The following CSMD1 variants were observed in gnomAD, a reference collection of about 807,000 sequenced individuals.
CSMD1 encodes CUB and sushi domain-containing protein 1.
In CSMD1, 213 loss-of-function variants were observed where a neutral mutation model predicts 417.5. That is an observed-to-expected ratio of 0.51 (90% CI 0.46 to 0.57). The LOEUF (loss-of-function observed/expected upper bound fraction) is 0.57. Ranked by LOEUF, CSMD1 falls within the 20% of genes least tolerant of loss-of-function variation. The pLI is 0.00. For missense variants in CSMD1, 6,923 were observed against 4,529.7 expected, an observed-to-expected ratio of 1.53 and a Z score of -15.17; for synonymous variants, 2,862 against 1,736.8, an observed-to-expected ratio of 1.65 and a Z score of -16.11.
chr8:4,368,398 C>G (rs574415231), intron 3 of CSMD1, among the ~76,000 whole-genome samples: 2 of 152,010 alleles, frequency 1.3e-5, no homozygotes, highest in Admixed American at 6.6e-5. Flanking sequence ...CTGGTATTTT[C>G]TACGTTCATC....
chr8:4,429,418 T>C (rs1031753860), intron 2 of CSMD1, among the ~76,000 whole-genome samples: 5 of 152,150 alleles, frequency 3.3e-5, no homozygotes, highest in African/African-American at 9.7e-5. Context: ...AAAAGCATCC[T>C]CCTTTCACAC....
chr8:4,369,898 G>C (rs556976326), intron 3 of CSMD1, among the ~76,000 whole-genome samples: 10 of 152,006 alleles, frequency 6.6e-5, no homozygotes, highest in Non-Finnish European at 1.0e-4. Context: ...CTTTCCATTT[G>C]GGTAAAATGT....
At chr8:3,988,922 G>T (rs1814533348) in intron 5 of CSMD1, among the ~76,000 whole-genome samples, 1 of 152,160 alleles carries the variant, frequency 6.6e-6, no homozygotes, top group Non-Finnish European at 1.5e-5. Context: ...AAGTTGAGTG[G>T]AGAAGTTAAC....
intron 10 of CSMD1, among the ~76,000 whole-genome samples, chr8:3,538,119 A>G (rs1224397016): frequency 1.3e-5 from 2 of 152,244 alleles, no homozygotes; most frequent in Non-Finnish European, 2.9e-5. Context: ...TTTATAAACC[A>G]AACGATTGCA....
In CSMD1 at chr8:3,312,551, C is replaced by A. The variant is rs79482406; in HGVS notation, c.3632-4048G>T. Among the ~76,000 whole-genome samples, 15 of 152,218 alleles carry A rather than the reference C, an allele frequency of 9.9e-5. No homozygotes were observed. In the South Asian group the frequency reaches 3.1e-3, roughly 32 times the overall value. On this transcript the variant is annotated intron_variant, in intron 23 of 69. Transcript: ENST00000635120. ...AAGAGAGCTTTGTTCTCTCAAAGCT[C>A]CTCGCAGGATTTGATGGTTCACACA...
chr8:4,788,138 T>A, intron 1 of CSMD1: 2 of 1,602,308 alleles, frequency 1.2e-6, no homozygotes, highest in East Asian at 4.5e-5. Flanking sequence ...GCTCTACTTC[T>A]GATCTTGGTC....
At chr8:3,517,705 C>T (rs1314469802) in intron 10 of CSMD1, among the ~76,000 whole-genome samples, 4 of 152,110 alleles carry the variant, frequency 2.6e-5, no homozygotes, top group Admixed American at 2.6e-4. Context: ...CGAATTCAGT[C>T]ACATTTTTTG....
intron 25 of CSMD1, among the ~76,000 whole-genome samples, chr8:3,305,664 T>C (rs1804778354): frequency 6.6e-6 from 1 of 152,172 alleles, no homozygotes; most frequent in Non-Finnish European, 1.5e-5. Context: ...GAAACTAAAC[T>C]TCTTAACTTA....
At chr8:4,660,250 T>A (rs577567942) in intron 1 of CSMD1, among the ~76,000 whole-genome samples, 1 of 152,088 alleles carries the variant, frequency 6.6e-6, no homozygotes, top group Non-Finnish European at 1.5e-5. Flanking sequence ...CCATAACCAG[T>A]AAGTGATTTT....
chr8:4,902,017 G>A (rs928488415), intron 1 of CSMD1, among the ~76,000 whole-genome samples: 6 of 152,136 alleles, frequency 3.9e-5, no homozygotes, highest in African/African-American at 1.4e-4. Flanking sequence ...AGGAAATGCA[G>A]CTATGATGCA....
At chr8:3,941,554 G>T (rs1810884764) in intron 5 of CSMD1, among the ~76,000 whole-genome samples, 1 of 152,068 alleles carries the variant, frequency 6.6e-6, no homozygotes, top group African/African-American at 2.4e-5. Flanking sequence ...CGAGCAGTGG[G>T]TTTCCTTGGA....
At chr8:4,525,198 C>T (rs887202964) in intron 2 of CSMD1, among the ~76,000 whole-genome samples, 6 of 152,096 alleles carry the variant, frequency 3.9e-5, no homozygotes, top group Non-Finnish European at 5.9e-5. Flanking sequence ...ACAACCCCCA[C>T]CTACCAACAA....
chr8:4,247,903 C>A (rs1480792053), intron 3 of CSMD1, among the ~76,000 whole-genome samples: 2 of 152,184 alleles, frequency 1.3e-5, no homozygotes, highest in South Asian at 4.2e-4. Flanking sequence ...TAAATTTTCA[C>A]CCAGATATTA....
chr8:4,745,383 C>G (rs910703191), intron 1 of CSMD1, among the ~76,000 whole-genome samples: 1 of 152,130 alleles, frequency 6.6e-6, no homozygotes, highest in Non-Finnish European at 1.5e-5. Context: ...AGCACCTAAG[C>G]TTTAATAAGT....
Position 3,468,716 on chromosome 8 carries a change from G to A in CSMD1, c.1557C>T (p.Tyr519=), listed in dbSNP as rs893600928. ...TGAAGTGTAATCTCATCATACCTTG[G>A]TAAACAGCTTTAAACCCAGGTGAGC... The part of the protein sequence containing the change: ...SIGSPGFKAV[Y]QEIEKGGCGD... The change falls in exon 12 of 70, where the codon TAC becomes TAT. Residue 519 remains tyrosine (Y), a synonymous_variant. Transcript: ENST00000635120. The A allele has an allele frequency of 3.1e-6, 5 of 1,594,640 alleles. No homozygotes were observed. The Admixed American group carries it at 5.2e-5, about 16-fold the overall frequency.
chr8:4,359,933 G>A (rs887462178), intron 3 of CSMD1, among the ~76,000 whole-genome samples: 3 of 152,164 alleles, frequency 2.0e-5, no homozygotes, highest in African/African-American at 7.2e-5. Flanking sequence ...TTCAGTGAAA[G>A]AATGCTTCCC....
intron 2 of CSMD1, among the ~76,000 whole-genome samples, chr8:4,572,180 G>C (rs545224191): frequency 1.1e-4 from 17 of 152,260 alleles, no homozygotes; most frequent in Non-Finnish European, 1.6e-4. Context: ...TGGTTATTTT[G>C]CACAATAGTT....
intron 2 of CSMD1, among the ~76,000 whole-genome samples, chr8:4,562,180 G>A (rs1798372440): frequency 6.6e-6 from 1 of 152,196 alleles, no homozygotes; most frequent in Non-Finnish European, 1.5e-5. Flanking sequence ...ATGAGCAGTA[G>A]GAAGAAACTA....
Position 4,850,383 on chromosome 8 carries a change from T to C in CSMD1, c.85+143949A>G, listed in dbSNP as rs1248172200. Among the ~76,000 whole-genome samples the C allele has an allele frequency of 1.4e-4, 5 of 35,154 alleles. No individual in the cohort carries two copies. The East Asian group carries it at 0.037, about 262-fold the overall frequency. 23.1% of individuals were successfully genotyped at this position (35,154 alleles called of 152,430 possible). A position where few individuals can be genotyped will look rare whatever the true frequency, so the allele number is the denominator to read the frequency against. On this transcript the variant is annotated intron_variant, in intron 1 of 69. Coordinates refer to ENST00000635120, the MANE Select transcript of CSMD1 (RefSeq NM_033225.6). Reference sequence around the variant, plus strand: ...TTATTTTGATGAAATCCAATTTATCTTTTTTTTTTTTTTTTTTTTTTTGCT... The same window carrying C: ...TTATTTTGATGAAATCCAATTTATCCTTTTTTTTTTTTTTTTTTTTTTGCT...
Sources: allele counts gnomAD v4.1 joint callset (sites outside exome capture counted in the v4.1 genomes callset), GRCh38; gene constraint gnomAD v4.1.1; transcripts MANE v1.5; gene names NCBI Gene and HGNC (gene_info 2026-07-23, HGNC 2026-07-21).